The following EML6 variants were observed in gnomAD, a reference collection of about 807,000 sequenced individuals.
EML6 encodes the protein echinoderm microtubule-associated protein-like 6.
EML6 carries 154 observed loss-of-function variants against 240.1 expected under a neutral mutation model. That is an observed-to-expected ratio of 0.64 (90% CI 0.56 to 0.73). The LOEUF is 0.73. Among genes scored for constraint, EML6 ranks in the 30% least tolerant of loss-of-function variants. The probability of loss-of-function intolerance (pLI) is 0.00; values close to 1 mark genes in which losing one functional copy is unlikely to be tolerated. For synonymous variants in EML6, 1,148 were observed against 899.0 expected, an observed-to-expected ratio of 1.28 and a Z score of -4.95; for missense variants, 2,964 against 2,474.6, an observed-to-expected ratio of 1.20 and a Z score of -4.20.
intron 2 of EML6, among the ~76,000 whole-genome samples, chr2:54,731,014 G>A (rs1031046677): frequency 1.1e-4 from 17 of 152,308 alleles, no homozygotes; most frequent in African/African-American, 4.1e-4. Flanking sequence ...TTGAATGGGG[G>A]TATGGAAGCC....
At chr2:54,768,180 A>G (rs1201788859) in intron 2 of EML6, among the ~76,000 whole-genome samples, 2 of 151,022 alleles carry the variant, frequency 1.3e-5, no homozygotes, top group African/African-American at 4.9e-5. Flanking sequence ...TTTTTTTTTG[A>G]TGATTCATTG....
At chr2:54,894,106 TTA>T (rs1672631073) in intron 19 of EML6, among the ~76,000 whole-genome samples, 1 of 152,118 alleles carries the variant, frequency 6.6e-6, no homozygotes, top group African/African-American at 2.4e-5. Context: ...ATATTTAGTG[TTA>T]TACACTTGGA....
intron 2 of EML6, among the ~76,000 whole-genome samples, chr2:54,809,234 A>G (rs1670661578): frequency 6.6e-6 from 1 of 152,130 alleles, no homozygotes; most frequent in Admixed American, 6.5e-5. Flanking sequence ...AAATATATGG[A>G]CTCTCAATAG....
At chr2:54,961,203 T>TTTTTTTTTTTTTG (rs1558729687) in intron 35 of EML6, among the ~76,000 whole-genome samples, 2 of 141,260 alleles carry the variant, frequency 1.4e-5, no homozygotes, top group African/African-American at 5.4e-5. Context: ...TTTTTTTTTT[T>TTTTTTTTTTTTTG]GAGACGGAGT....
intron 2 of EML6, among the ~76,000 whole-genome samples, chr2:54,739,270 A>T (rs354196): frequency 6.6e-6 from 1 of 152,000 alleles, no homozygotes; most frequent in Non-Finnish European, 1.5e-5. Flanking sequence ...GGATGAATAT[A>T]CCTGATGTTT....
chr2:54,744,953 CACA>C (rs1683846202), intron 2 of EML6, among the ~76,000 whole-genome samples: 1 of 118,006 alleles, frequency 8.5e-6, no homozygotes, highest in Admixed American at 8.2e-5. Context: ...CACACACACA[CACA>C]CACACACCCT....
chr2:54,891,380 G>T (rs1490565726), intron 18 of EML6, among the ~76,000 whole-genome samples: 2 of 152,184 alleles, frequency 1.3e-5, no homozygotes, highest in Admixed American at 6.5e-5. Flanking sequence ...AAAATGTTCT[G>T]CTGTGAAAAT....
At chr2:54,830,601 C>G (rs1274179950) in intron 7 of EML6, among the ~76,000 whole-genome samples, 1 of 152,170 alleles carries the variant, frequency 6.6e-6, no homozygotes, top group Non-Finnish European at 1.5e-5. Flanking sequence ...TAGGCCAGAT[C>G]ATGTGGCAGT....
intron 2 of EML6, among the ~76,000 whole-genome samples, chr2:54,741,691 G>A (rs1327157746): frequency 1.3e-5 from 2 of 152,202 alleles, no homozygotes; most frequent in African/African-American, 4.8e-5. Context: ...AGAATAAGGG[G>A]AGATATTAAA....
intron 2 of EML6, among the ~76,000 whole-genome samples, chr2:54,742,662 G>A (rs1683706621): frequency 6.6e-6 from 1 of 152,160 alleles, no homozygotes; most frequent in African/African-American, 2.4e-5. Context: ...TCACACCTAG[G>A]TTTGAATCTG....
intron 9 of EML6, 144 bp from the exon 10 acceptor site, chr2:54,849,818 A>T: frequency 1.4e-6 from 1 of 698,864 alleles, no homozygotes; most frequent in Non-Finnish European, 2.3e-6. Flanking sequence ...ATAACATTTT[A>T]TATATTTACT....
At chr2:54,895,050 G>A in intron 20 of EML6, 24 bp downstream of exon 20, 1 of 1,497,406 alleles carries the variant, frequency 6.7e-7, no homozygotes, top group Non-Finnish European at 9.1e-7. Context: ...ACATGTAATA[G>A]AGATCTTTGT....
At chr2:54,765,095 G>A (rs1668130688) in intron 2 of EML6, among the ~76,000 whole-genome samples, 1 of 151,272 alleles carries the variant, frequency 6.6e-6, no homozygotes, top group Admixed American at 6.6e-5. Flanking sequence ...TATATTTTCT[G>A]GATATCTTCC....
chr2:54,785,262 G>T (rs776455600), intron 2 of EML6, among the ~76,000 whole-genome samples: 3 of 146,728 alleles, frequency 2.0e-5, no homozygotes, highest in Non-Finnish European at 4.4e-5. Flanking sequence ...CACAACGTCT[G>T]CCACCCAGGT....
intron 3 of EML6, among the ~76,000 whole-genome samples, chr2:54,815,326 A>G (rs2567839): frequency 0.68 from 103,443 of 152,098 alleles, 35,598 homozygotes; most frequent in Middle Eastern, 0.82. Context: ...GTTGATGGCT[A>G]TTTCTTCAGG....
chr2:54,844,071 G>A lies in EML6; in HGVS notation c.872G>A (p.Trp291Ter). 1 of 1,548,934 alleles carries A rather than the reference G, an allele frequency of 6.5e-7. No individual in the cohort carries two copies. The highest frequency in any genetic ancestry group is 1.2e-5 in the South Asian group (1 of 83,988). ...YKGLSIRSVC[W>*]KADRLLAGTQ... Reference sequence around the variant, plus strand: ...GGCCTCTCTATCCGGAGCGTGTGCTGGAAAGCAGACCGCCTTCTAGCAGGG... The same window carrying A: ...GGCCTCTCTATCCGGAGCGTGTGCTAGAAAGCAGACCGCCTTCTAGCAGGG... The change falls in exon 8 of 42, where the codon TGG becomes TAG. Residue 291 changes from tryptophan to a stop codon, truncating the protein, a stop_gained. Coordinates refer to ENST00000356458, the MANE Select transcript of EML6 (RefSeq NM_001039753.4). LOFTEE classifies it high-confidence loss of function.
chr2:54,836,959 G>C (rs1243614096), intron 7 of EML6, among the ~76,000 whole-genome samples: 1 of 152,142 alleles, frequency 6.6e-6, no homozygotes, highest in African/African-American at 2.4e-5. Flanking sequence ...CAGGATCCAG[G>C]CTCCCTAGGT....
intron 7 of EML6, among the ~76,000 whole-genome samples, chr2:54,832,830 C>A (rs78090035): frequency 1.3e-4 from 20 of 151,192 alleles, no homozygotes; most frequent in Admixed American, 1.3e-3. Flanking sequence ...CAAGTATATT[C>A]GAAAGGAACA....
At chr2:54,764,594 C>A (rs565913377) in intron 2 of EML6, among the ~76,000 whole-genome samples, 1 of 152,306 alleles carries the variant, frequency 6.6e-6, no homozygotes, top group East Asian at 1.9e-4. Context: ...GTGAAATCCC[C>A]CTGCTTTAAC....
Sources: gnomAD v4.1 joint callset for allele counts (sites outside exome capture counted in the v4.1 genomes callset) on GRCh38, gnomAD v4.1.1 for gene constraint, MANE v1.5 for transcripts, NCBI Gene and HGNC (gene_info 2026-07-23, HGNC 2026-07-21) for gene names.